Variants in AP1B1 observed in about 807,000 individuals in gnomAD.
The protein encoded by AP1B1 is AP-1 complex subunit beta-1.
In AP1B1, 36 loss-of-function variants were observed where a neutral mutation model predicts 104.3. That is an observed-to-expected ratio of 0.35 (90% CI 0.26 to 0.46). The LOEUF (loss-of-function observed/expected upper bound fraction) is 0.46, where lower values mean the gene tolerates loss of function less well. Ranked by LOEUF, AP1B1 falls within the 20% of genes least tolerant of loss-of-function variation. The pLI is 1.00. For synonymous variants in AP1B1, 504 were observed against 517.5 expected (o/e 0.97, Z 0.35); for missense variants, 901 against 1,247.9 (o/e 0.72, Z 4.19).
At chr22:29,384,526 C>A (rs2062490118) in intron 1 of AP1B1, among the ~76,000 whole-genome samples, 2 of 152,206 alleles carry the variant, frequency 1.3e-5, no homozygotes, top group Non-Finnish European at 2.9e-5. Flanking sequence ...CCAGACACCT[C>A]ACTAGGTGCT....
intron 11 of AP1B1, among the ~76,000 whole-genome samples, chr22:29,344,110 CAAAAA>C (rs58337637): frequency 1.1e-5 from 1 of 89,752 alleles, no homozygotes; most frequent in Non-Finnish European, 2.4e-5. Context: ...GACTTTGTCT[CAAAAA>C]AAAAAAAAAA....
chr22:29,353,568 A>G (rs2061910423), intron 7 of AP1B1, among the ~76,000 whole-genome samples: 1 of 152,198 alleles, frequency 6.6e-6, no homozygotes, highest in Admixed American at 6.5e-5. Flanking sequence ...AGGAAGCCCT[A>G]GTTTCATCCC....
chr22:29,337,784 C>T (rs759187114), intron 16 of AP1B1, among the ~76,000 whole-genome samples: 1 of 152,214 alleles, frequency 6.6e-6, no homozygotes, highest in Non-Finnish European at 1.5e-5. Context: ...CAAGTCTGGC[C>T]GCTGTTTCCA....
At position 29,367,160 on chromosome 22, in the gene AP1B1, C is replaced by G. The variant is rs1313372620; in HGVS notation, c.37+47G>C. The G allele has an allele frequency of 3.8e-6, 6 of 1,584,370 alleles. No homozygotes were observed. In the Admixed American group the frequency reaches 6.7e-5, roughly 18 times the overall value. Reference sequence around the variant, plus strand: ...CGCCATAGGAGGAAAACAGAAGGGACAGGAAGAGAAAGCATAGGACAAGGC... The same window carrying G: ...CGCCATAGGAGGAAAACAGAAGGGAGAGGAAGAGAAAGCATAGGACAAGGC... On this transcript the variant is annotated intron_variant, in intron 2 of 22. Coordinates refer to ENST00000357586, the MANE Select transcript of AP1B1 (RefSeq NM_001127.4).
At chr22:29,338,872 C>A in intron 16 of AP1B1, 118 bp downstream of exon 16, 2 of 1,415,044 alleles carry the variant, frequency 1.4e-6, no homozygotes, top group Non-Finnish European at 1.9e-6. Flanking sequence ...TGGCCCCCAG[C>A]TTCCCTCATC....
chr22:29,372,221 G>A (rs1411064460), intron 1 of AP1B1, among the ~76,000 whole-genome samples: 2 of 152,068 alleles, frequency 1.3e-5, no homozygotes, highest in Admixed American at 6.6e-5. Flanking sequence ...TCAGGAGTTC[G>A]AGACCAGCCT....
At chr22:29,372,915 T>G (rs759487597) in intron 1 of AP1B1, among the ~76,000 whole-genome samples, 7 of 152,230 alleles carry the variant, frequency 4.6e-5, no homozygotes, top group Non-Finnish European at 1.5e-5. Context: ...TGTCTCAAAA[T>G]TGGTGACAAC....
chr22:29,361,176 A>T (rs531604117), intron 3 of AP1B1, among the ~76,000 whole-genome samples: 1 of 152,350 alleles, frequency 6.6e-6, no homozygotes, highest in Admixed American at 6.5e-5. Flanking sequence ...CTGACTTGGA[A>T]GGAGGCCCAG....
intron 11 of AP1B1, among the ~76,000 whole-genome samples, chr22:29,347,984 A>C (rs1293118109): frequency 1.3e-5 from 2 of 152,266 alleles, no homozygotes; most frequent in Non-Finnish European, 2.9e-5. Flanking sequence ...ATAAAGCATA[A>C]ATGAATGAGA....
intron 11 of AP1B1, among the ~76,000 whole-genome samples, chr22:29,344,097 C>A (rs1002551150): frequency 7.4e-6 from 1 of 134,408 alleles, no homozygotes; most frequent in East Asian, 2.1e-4. Flanking sequence ...GGGACAAGGG[C>A]GAGACTTTGT....
Position 29,340,963 on chromosome 22 carries a change from C to T in AP1B1, c.1797-106G>A, listed in dbSNP as rs2061705904. 4 of 1,150,648 alleles carry T rather than the reference C, an allele frequency of 3.5e-6. No individual in the cohort carries two copies. The Admixed American group carries it at 7.3e-5, about 21-fold the overall frequency. The allele number at this position is 1,150,648 out of a possible 1,614,324, so 71.3% of individuals were successfully genotyped here. On this transcript the variant is annotated intron_variant, in intron 13 of 22. Transcript: ENST00000357586. ...TCCCCCAGGACAGGCACTGAGTCTC[C>T]TCACTGTCCCCGACAGGGCTGTCCA...
rs1273021170 is a variant in AP1B1 at position 29,359,848 on chromosome 22, A to G, written c.255T>C (p.Ile85=). Residue 85 remains isoleucine, a synonymous_variant, in exon 4 of 23, where the codon ATT becomes ATC. Coordinates refer to ENST00000357586, the MANE Select transcript of AP1B1 (RefSeq NM_001127.4). ...CCTTCACAAAGGTGTTGACGGCCAT[A>G]ATGGCCATGTCAGGCTGACTCTTGG... The part of the protein sequence containing the change: ...NYAKSQPDMA[I]MAVNTFVKDC... The G allele has an allele frequency of 6.2e-7, 1 of 1,613,940 alleles. No individual in the cohort carries two copies. The highest frequency in any genetic ancestry group is 2.2e-5 in the East Asian group (1 of 44,882).
chr22:29,353,383 C>T (rs2061906964), intron 7 of AP1B1, among the ~76,000 whole-genome samples: 1 of 152,144 alleles, frequency 6.6e-6, no homozygotes, highest in African/African-American at 2.4e-5. Context: ...AGCTGCCCAG[C>T]CACATCTCAG....
chr22:29,339,388 C>T (rs552727976), intron 15 of AP1B1, among the ~76,000 whole-genome samples: 4 of 152,242 alleles, frequency 2.6e-5, no homozygotes, highest in South Asian at 2.1e-4. Context: ...CCCAAATTGA[C>T]GCTCAGCCTA....
In AP1B1 at chr22:29,354,891, A is replaced by G. The variant is rs1324044259; in HGVS notation, c.717-20T>C. On this transcript the variant is annotated intron_variant, in intron 6 of 22. Transcript: ENST00000357586. ...CAGATGCTGGGGTCCGTCCATTCCA[A>G]CGGGGCAAACAGGAAAGACAAGGGG... 6.2e-7 allele frequency: 1 copy of G among 1,600,546 alleles called. No individual in the cohort carries two copies. The highest frequency in any genetic ancestry group is 8.6e-7 in the Non-Finnish European group (1 of 1,167,848).
intron 19 of AP1B1, among the ~76,000 whole-genome samples, chr22:29,331,166 G>C (rs1217106880): frequency 6.6e-6 from 1 of 152,164 alleles, no homozygotes; most frequent in African/African-American, 2.4e-5. Flanking sequence ...CATGACCTGG[G>C]CTCGCTGCAG....
chr22:29,375,076 C>T (rs1232602531), intron 1 of AP1B1, among the ~76,000 whole-genome samples: 1 of 152,188 alleles, frequency 6.6e-6, no homozygotes, highest in Admixed American at 6.5e-5. Flanking sequence ...TCTGGCCGGG[C>T]GCGGTGGCTC....
intron 19 of AP1B1, among the ~76,000 whole-genome samples, chr22:29,331,083 C>T (rs1220854429): frequency 2.6e-5 from 4 of 152,332 alleles, no homozygotes; most frequent in Admixed American, 1.3e-4. Flanking sequence ...TGCAGGCCGT[C>T]TGTGTGCTGT....
At chr22:29,343,577 A>AC (rs1220403657) in intron 11 of AP1B1, among the ~76,000 whole-genome samples, 1 of 152,184 alleles carries the variant, frequency 6.6e-6, no homozygotes, top group African/African-American at 2.4e-5. Flanking sequence ...GAAGCCGTTT[A>AC]CCCCCATCTG....
Sources: allele counts gnomAD v4.1 joint callset (sites outside exome capture counted in the v4.1 genomes callset), GRCh38; gene constraint gnomAD v4.1.1; transcripts MANE v1.5; gene names NCBI Gene and HGNC (gene_info 2026-07-23, HGNC 2026-07-21).